Variants in PTPRD observed in about 807,000 individuals in gnomAD.
The protein encoded by PTPRD is receptor-type tyrosine-protein phosphatase delta.
PTPRD carries 34 observed loss-of-function variants against 214.5 expected under a neutral mutation model. That is an observed-to-expected ratio of 0.16 (90% CI 0.12 to 0.21). The LOEUF is 0.21. Among genes scored for constraint, PTPRD ranks in the 10% least tolerant of loss-of-function variants. The pLI, the probability that PTPRD is intolerant of heterozygous loss-of-function variation, is 1.00. For missense variants in PTPRD, 2,545 were observed against 2,398.7 expected, an observed-to-expected ratio of 1.06 and a Z score of -1.27; for synonymous variants, 1,128 against 845.7, an observed-to-expected ratio of 1.33 and a Z score of -5.79.
intron 11 of PTPRD, among the ~76,000 whole-genome samples, chr9:8,776,806 A>G (rs2095496287): frequency 6.8e-6 from 1 of 147,460 alleles, no homozygotes; most frequent in Non-Finnish European, 1.5e-5. Flanking sequence ...TATATATTAT[A>G]TATGTATAAT....
intron 32 of PTPRD, among the ~76,000 whole-genome samples, chr9:8,461,437 C>T (rs1201991780): frequency 6.6e-6 from 1 of 151,948 alleles, no homozygotes; most frequent in East Asian, 1.9e-4. Flanking sequence ...CCATTTAGTT[C>T]TGTCCTATTT....
At position 9,932,877 on chromosome 9, in the gene PTPRD, T is replaced by G. The variant is rs569460125; in HGVS notation, c.-368+5630A>C. 1.6e-4 allele frequency among the ~76,000 whole-genome samples: 21 copies of G among 132,504 alleles called. 1 individual carries two copies. Among genetic ancestry groups the G allele is most frequent in the African/African-American group, 5.4e-4 (20 of 37,178 alleles). 86.9% of individuals were successfully genotyped at this position (132,504 alleles called of 152,430 possible). On this transcript the variant is annotated intron_variant, in intron 5 of 45. Coordinates refer to ENST00000381196, the MANE Select transcript of PTPRD (RefSeq NM_002839.4). Reference sequence around the variant, plus strand: ...AAGCCCATCAGACTAACAGCAGATCTCTCGGCAGAAACCCTACCAGCCAGA... The same window carrying G: ...AAGCCCATCAGACTAACAGCAGATCGCTCGGCAGAAACCCTACCAGCCAGA...
chr9:10,278,504 G>C (rs1564971427), intron 3 of PTPRD, among the ~76,000 whole-genome samples: 1 of 152,098 alleles, frequency 6.6e-6, no homozygotes, highest in Non-Finnish European at 1.5e-5. Context: ...ATAGTAATAA[G>C]ATTCTAAGTA....
chr9:9,943,625 G>T (rs1299000857), intron 4 of PTPRD, among the ~76,000 whole-genome samples: 1 of 141,638 alleles, frequency 7.1e-6, no homozygotes, highest in Non-Finnish European at 1.5e-5. Flanking sequence ...GTGGCTGTTA[G>T]ATGGCGATAT....
chr9:9,777,632 G>A (rs1387938003), intron 5 of PTPRD, among the ~76,000 whole-genome samples: 3 of 152,114 alleles, frequency 2.0e-5, no homozygotes, highest in African/African-American at 7.2e-5. Context: ...AGGAGGTCAA[G>A]TTTCCAGTGA....
At chr9:8,872,048 A>G (rs1332019679) in intron 11 of PTPRD, among the ~76,000 whole-genome samples, 1 of 152,194 alleles carries the variant, frequency 6.6e-6, no homozygotes, top group Non-Finnish European at 1.5e-5. Context: ...CCTTTCTCTC[A>G]TAGAACAAAC....
At chr9:8,460,744 G>C (rs1213963981) in intron 32 of PTPRD, among the ~76,000 whole-genome samples, 173 bp from the exon 33 acceptor site, 1 of 151,980 alleles carries the variant, frequency 6.6e-6, no homozygotes, top group Non-Finnish European at 1.5e-5. Context: ...AGAAAGGATG[G>C]AAGATGTTTT....
chr9:9,223,156 C>A (rs564791515), intron 9 of PTPRD, among the ~76,000 whole-genome samples: 16 of 152,048 alleles, frequency 1.1e-4, no homozygotes, highest in Non-Finnish European at 1.8e-4. Context: ...TAATATAGCT[C>A]TAAGTGGGCA....
chr9:9,173,534 C>T (rs1262917220), intron 10 of PTPRD, among the ~76,000 whole-genome samples: 1 of 152,106 alleles, frequency 6.6e-6, no homozygotes, highest in Non-Finnish European at 1.5e-5. Flanking sequence ...TATGGTATAG[C>T]CTACTACCCA....
chr9:8,713,103 T>A (rs2098379391), intron 12 of PTPRD, among the ~76,000 whole-genome samples: 1 of 152,152 alleles, frequency 6.6e-6, no homozygotes, highest in South Asian at 2.1e-4. Context: ...TAAAACAGAA[T>A]CTGAGAGGAT....
intron 11 of PTPRD, among the ~76,000 whole-genome samples, chr9:8,838,563 TA>T (rs145343455): frequency 6.6e-6 from 1 of 151,682 alleles, no homozygotes; most frequent in African/African-American, 2.4e-5. Flanking sequence ...AACTGAAAAA[TA>T]AAAGAGAGAA....
chr9:8,450,624 A>G (rs2133546066), intron 33 of PTPRD, among the ~76,000 whole-genome samples: 1 of 152,284 alleles, frequency 6.6e-6, no homozygotes. Context: ...CACACAATAC[A>G]TTTTAACTTT....
chr9:10,384,742 G>T (rs1260264354), intron 2 of PTPRD, among the ~76,000 whole-genome samples: 1 of 143,882 alleles, frequency 7.0e-6, no homozygotes, highest in Non-Finnish European at 1.5e-5. Flanking sequence ...TTTAAAAACT[G>T]AAAAAAGGAT....
chr9:9,778,315 C>T (rs1016257393), intron 5 of PTPRD, among the ~76,000 whole-genome samples: 1 of 152,114 alleles, frequency 6.6e-6, no homozygotes, highest in African/African-American at 2.4e-5. Context: ...CCTCTAGGAT[C>T]CTAGCTACAG....
chr9:10,312,697 A>C (rs915242099), intron 3 of PTPRD, among the ~76,000 whole-genome samples: 4 of 151,972 alleles, frequency 2.6e-5, no homozygotes, highest in Non-Finnish European at 4.4e-5. Flanking sequence ...AAACATATAA[A>C]CAGAAAAGAG....
intron 37 of PTPRD, among the ~76,000 whole-genome samples, chr9:8,388,029 T>G (rs780034290): frequency 2.0e-5 from 3 of 152,220 alleles, no homozygotes; most frequent in African/African-American, 4.8e-5. Flanking sequence ...TAGACAATAT[T>G]TCAACATCTC....
Position 8,340,455 on chromosome 9 carries a change from T to C in PTPRD, c.5141A>G (p.Tyr1714Cys). The change falls in exon 42 of 46, where the codon TAC (tyrosine) becomes TGC (cysteine). Residue 1714 changes from tyrosine to cysteine, a missense_variant. Coordinates refer to ENST00000381196, the MANE Select transcript of PTPRD (RefSeq NM_002839.4). ...TGCCAAGGGCCCCTGGGTAGCGATG[T>C]AGGCTTTCTGTTGTCTGAATTACAG... is the stretch of plus-strand genomic sequence containing the variant. The part of the protein sequence containing the change: ...FIDGYRQQKA[Y>C]IATQGPLAET... 1 of 1,597,394 alleles carries C rather than the reference T, an allele frequency of 6.3e-7. No homozygotes were observed.
chr9:8,929,909 A>G (rs35765960), intron 11 of PTPRD, among the ~76,000 whole-genome samples: 18,958 of 61,926 alleles, frequency 0.31, 4,269 homozygotes, highest in South Asian at 0.5. Context: ...GTGTATATAT[A>G]TGTGTGTGTA....
At chr9:9,349,829 AT>A (rs1462714355) in intron 9 of PTPRD, among the ~76,000 whole-genome samples, 2 of 151,952 alleles carry the variant, frequency 1.3e-5, no homozygotes, top group Non-Finnish European at 2.9e-5. Flanking sequence ...CATTTCTCAT[AT>A]ACTAGCACTT....
Sources: allele counts gnomAD v4.1 joint callset (sites outside exome capture counted in the v4.1 genomes callset), GRCh38; gene constraint gnomAD v4.1.1; transcripts MANE v1.5; gene names NCBI Gene and HGNC (gene_info 2026-07-23, HGNC 2026-07-21).